RNF214: variants seen among roughly 807,000 people sequenced by gnomAD.
RNF214 encodes ring finger protein 214.
Under a neutral mutation model 75.9 loss-of-function variants are expected in RNF214, and 25 were observed. The ratio of observed to expected loss-of-function variants is 0.33; its 90% CI spans 0.24 to 0.46. RNF214 has a LOEUF of 0.46. RNF214 is among the 20% of genes least tolerant of loss of function. The probability of loss-of-function intolerance (pLI) is 1.00; values close to 1 mark genes in which losing one functional copy is unlikely to be tolerated. For synonymous variants in RNF214, 314 were observed against 308.8 expected (o/e 1.02, Z -0.18); for missense variants, 725 against 857.5 (o/e 0.85, Z 1.93).
chr11:117,266,140 A>G (rs2033791043), intron 6 of RNF214, among the ~76,000 whole-genome samples: 1 of 152,184 alleles, frequency 6.6e-6, no homozygotes, highest in Non-Finnish European at 1.5e-5. Context: ...CCTGTTTGTA[A>G]TGAGAAGTCA....
chr11:117,250,227 AG>A (rs1428401753), intron 6 of RNF214, among the ~76,000 whole-genome samples: 1 of 152,204 alleles, frequency 6.6e-6, no homozygotes, highest in Non-Finnish European at 1.5e-5. Context: ...CTGAAAAATA[AG>A]GGGCAGAAGA....
At chr11:117,262,995 C>T (rs536095208) in intron 6 of RNF214, among the ~76,000 whole-genome samples, 1 of 151,976 alleles carries the variant, frequency 6.6e-6, no homozygotes, top group East Asian at 2.0e-4. Context: ...TTCATAGAGA[C>T]GGAGTTTCAC....
In RNF214 at chr11:117,238,754, G is replaced by A. The variant is rs1243669663; in HGVS notation, c.261G>A (p.Val87=). ...SAGDTSAAHQ[V]VLGENLIATA... The stretch of plus-strand genomic sequence containing the variant: ...GTGACACCTCAGCAGCGCACCAGGT[G>A]GTTTTAGGAGAAAACTTGATAGCCA... Residue 87 remains valine, a synonymous_variant, in exon 3 of 15, where the codon GTG becomes GTA. Coordinates refer to ENST00000300650, the MANE Select transcript of RNF214 (RefSeq NM_207343.4). 3.7e-6 allele frequency: 6 copies of A among 1,614,164 alleles called. No individual in the cohort carries two copies. The East Asian group carries it at 6.7e-5, about 18-fold the overall frequency.
chr11:117,239,574 C>G (rs1379167770), intron 3 of RNF214: 2 of 536,668 alleles, frequency 3.7e-6, no homozygotes, highest in Non-Finnish European at 6.7e-6. Context: ...GAGGCTTTCT[C>G]TCAGTCAGTC....
intron 13 of RNF214, 126 bp downstream of exon 13, chr11:117,282,976 A>G: frequency 1.0e-6 from 1 of 1,000,256 alleles, no homozygotes; most frequent in Non-Finnish European, 1.5e-6. Context: ...GGGAAAATGC[A>G]AATATTTTAG....
rs900538764 is a variant in RNF214 at position 117,275,219 on chromosome 11, G to A, written c.960-4689G>A. On this transcript the variant is annotated intron_variant, in intron 6 of 14. Transcript: ENST00000300650. Reference sequence around the variant, plus strand: ...AAATTTTTTAAAAATGATTGATAACGGTGACAGAAGTTATCAAAATCTCAG... The same window carrying A: ...AAATTTTTTAAAAATGATTGATAACAGTGACAGAAGTTATCAAAATCTCAG... 1.2e-4 allele frequency among the ~76,000 whole-genome samples: 19 copies of A among 152,010 alleles called. No individual in the cohort carries two copies. In the South Asian group the frequency reaches 3.5e-3, roughly 28 times the overall value.
In RNF214 at chr11:117,234,171, C is replaced by T. The variant is rs2032832817; in HGVS notation, c.-6-96C>T. On this transcript the variant is annotated intron_variant, in intron 1 of 14. Transcript: ENST00000300650. ...CCCAGGTTTTTGTGTTTCTTTACTG[C>T]GACAGCTCTGTTGTGTGGACATTCT... 10 of 863,284 alleles carry T rather than the reference C, an allele frequency of 1.2e-5. 1 individual carries two copies. Among genetic ancestry groups the T allele is most frequent in the African/African-American group, 3.4e-5 (2 of 59,084 alleles). The allele number at this position is 863,284 out of a possible 1,614,324, so 53.5% of individuals were successfully genotyped here.
rs764499063 is a variant in RNF214, at chr11:117,238,667, C to T, written c.174C>T (p.Thr58=). ...TGAGTGTAAGTAGCCAAACAATAAC[C>T]AAGGAGAATAACAGAAATGTCCATT... ...PLLSVSSQTI[T]KENNRNVHLE... is the part of the protein sequence containing the mutation. Residue 58 remains threonine, a synonymous_variant, in exon 3 of 15, where the codon ACC becomes ACT. Coordinates refer to ENST00000300650, the MANE Select transcript of RNF214 (RefSeq NM_207343.4). 25 of 1,613,962 alleles carry T rather than the reference C, an allele frequency of 1.5e-5. No homozygotes were observed. Among genetic ancestry groups the T allele is most frequent in the Non-Finnish European group, 2.1e-5 (25 of 1,180,000 alleles).
At chr11:117,247,610 T>A (rs530553893) in intron 6 of RNF214, among the ~76,000 whole-genome samples, 2 of 152,048 alleles carry the variant, frequency 1.3e-5, no homozygotes, top group East Asian at 3.9e-4. Context: ...CCCAGCACCT[T>A]GGGAGGCCGA....
chr11:117,273,187 A>G (rs2033946406), intron 6 of RNF214, among the ~76,000 whole-genome samples: 2 of 152,274 alleles, frequency 1.3e-5, no homozygotes, highest in South Asian at 2.1e-4. Context: ...ATCTGATGAT[A>G]TGCAGATAAG....
Position 117,267,011 on chromosome 11 carries a change from G to A in RNF214, c.960-12897G>A, listed in dbSNP as rs187150398. ...AAAAAAAGGTTGGGGGCCAGACATG[G>A]TGGCTCATGCGTGTAAACCCAGCAC... On this transcript the variant is annotated intron_variant, in intron 6 of 14. Coordinates refer to ENST00000300650, the MANE Select transcript of RNF214 (RefSeq NM_207343.4). Among the ~76,000 whole-genome samples the A allele has an allele frequency of 1.4e-3, 217 of 150,992 alleles. 2 individuals are homozygous for A. The highest frequency in any genetic ancestry group is 2.8e-3 in the Non-Finnish European group (191 of 67,848).
intron 14 of RNF214, 62 bp downstream of exon 14, chr11:117,283,272 T>C (rs2034166629): frequency 1.7e-6 from 2 of 1,174,420 alleles, no homozygotes; most frequent in Non-Finnish European, 2.5e-6. Context: ...AAATAATTTT[T>C]CTTTCTCATT....
Position 117,283,174 on chromosome 11 carries a change from G to A in RNF214, c.2010G>A (p.Leu670=), listed in dbSNP as rs146262838. The change falls in exon 14 of 15, where the codon CTG becomes CTA. Residue 670 remains leucine, a synonymous_variant. Transcript: ENST00000300650. ...AGAAACTCGTCCAGCCCAGTGAGCT[G>A]CATCCAATGGCGTGTACCCATGTAT... The part of the protein sequence containing the change: ...MCQKLVQPSE[L]HPMACTHVLH... 1.1e-4 allele frequency: 179 copies of A among 1,613,976 alleles called. No homozygotes were observed. The East Asian group carries it at 4.0e-3, about 36-fold the overall frequency.
Position 117,282,464 on chromosome 11 carries a change from G to C in RNF214, c.1773G>C (p.Leu591=). 3 of 1,614,206 alleles carry C rather than the reference G, an allele frequency of 1.9e-6. No homozygotes were observed. The highest frequency in any genetic ancestry group is 2.5e-6 in the Non-Finnish European group (3 of 1,180,042). Residue 591 remains leucine, a synonymous_variant, in exon 12 of 15, where the codon CTG becomes CTC. Coordinates refer to ENST00000300650, the MANE Select transcript of RNF214 (RefSeq NM_207343.4). ...CAGCACGTACCACCATGGCAGGCCT[G>C]ACCATGGAGGAACTTATCCAGTTGG... The part of the protein sequence containing the change: ...IKTARTTMAG[L]TMEELIQLVA...
intron 6 of RNF214, among the ~76,000 whole-genome samples, chr11:117,253,372 A>C (rs1374505638): frequency 6.6e-6 from 1 of 151,976 alleles, no homozygotes; most frequent in Non-Finnish European, 1.5e-5. Context: ...CATGTATTTG[A>C]TTTTTTTTCT....
At chr11:117,238,363 G>T (rs114111495) in intron 2 of RNF214, among the ~76,000 whole-genome samples, 1,529 of 152,250 alleles carry the variant, frequency 0.01, 21 homozygotes, top group African/African-American at 0.033. Context: ...CTTGATGGCG[G>T]CACTGCACTC....
At chr11:117,270,681 C>T (rs747493521) in intron 6 of RNF214, among the ~76,000 whole-genome samples, 3 of 152,116 alleles carry the variant, frequency 2.0e-5, no homozygotes, top group Non-Finnish European at 2.9e-5. Context: ...CTCCTGACCT[C>T]AGGTGATCCA....
At chr11:117,263,673 G>A (rs1475009746) in intron 6 of RNF214, 1 of 157,454 alleles carries the variant, frequency 6.4e-6, no homozygotes, top group African/African-American at 2.4e-5. Flanking sequence ...GTAGCAGCTT[G>A]AGCTATAGAA....
chr11:117,272,669 T>G (rs868039531), intron 6 of RNF214, among the ~76,000 whole-genome samples: 1 of 151,998 alleles, frequency 6.6e-6, no homozygotes, highest in Middle Eastern at 3.4e-3. Context: ...TGTCAAGGAA[T>G]GAAGTTTAGG....
Sources: allele counts gnomAD v4.1 joint callset (sites outside exome capture counted in the v4.1 genomes callset), GRCh38; gene constraint gnomAD v4.1.1; transcripts MANE v1.5; gene names NCBI Gene and HGNC (gene_info 2026-07-23, HGNC 2026-07-21).